The following ALOX5 variants were observed in gnomAD, a reference collection of about 807,000 sequenced individuals.
The protein encoded by ALOX5 is polyunsaturated fatty acid 5-lipoxygenase.
Under a neutral mutation model 87.9 loss-of-function variants are expected in ALOX5, and 64 were observed. That is an observed-to-expected ratio of 0.73 (90% CI 0.60 to 0.90). The LOEUF is 0.90. Ranked by LOEUF, ALOX5 falls within the 40% of genes least tolerant of loss-of-function variation. The pLI is 0.00. For synonymous variants in ALOX5, 388 were observed against 355.1 expected, an observed-to-expected ratio of 1.09 and a Z score of -1.04; for missense variants, 822 against 907.5, an observed-to-expected ratio of 0.91 and a Z score of 1.21.
Position 45,382,550 on chromosome 10 carries a change from G to A in ALOX5, c.218G>A (p.Arg73His), listed in dbSNP as rs770621268. The A allele has an allele frequency of 1.5e-5, 25 of 1,614,040 alleles. No individual in the cohort carries two copies. Among genetic ancestry groups the A allele is most frequent in the Middle Eastern group, 1.6e-4 (1 of 6,084 alleles). The change falls in exon 2 of 14, where the codon CGC (arginine) becomes CAC (histidine). Residue 73 changes from arginine to histidine, a missense_variant. Coordinates refer to ENST00000374391, the MANE Select transcript of ALOX5 (RefSeq NM_000698.5). ...GEIQLVRIEK[R>H]KYWLNDDWYL... ...ATCCAGCTGGTCAGAATCGAGAAGC[G>A]CAAGTACTGGCTGAATGACGACTGG...
chr10:45,416,504 C>G (rs1841293701), intron 4 of ALOX5, among the ~76,000 whole-genome samples: 1 of 152,182 alleles, frequency 6.6e-6, no homozygotes, highest in Non-Finnish European at 1.5e-5. Flanking sequence ...AGCCATGTAG[C>G]TTTAGTGGGA....
At chr10:45,390,254 A>G (rs1840169792) in intron 2 of ALOX5, among the ~76,000 whole-genome samples, 1 of 152,126 alleles carries the variant, frequency 6.6e-6, no homozygotes, top group African/African-American at 2.4e-5. Context: ...AGACTTTAAC[A>G]CCCCACTGTC....
At chr10:45,418,849 C>T (rs1201080600) in intron 4 of ALOX5, among the ~76,000 whole-genome samples, 1 of 152,172 alleles carries the variant, frequency 6.6e-6, no homozygotes, top group Non-Finnish European at 1.5e-5. Flanking sequence ...GGTGGCAGGG[C>T]TGAAAAGACA....
intron 2 of ALOX5, among the ~76,000 whole-genome samples, chr10:45,387,209 C>T (rs1398862391): frequency 6.6e-6 from 1 of 152,190 alleles, no homozygotes; most frequent in East Asian, 1.9e-4. Context: ...AGTCCAAGCA[C>T]ATGTGTCTCT....
At chr10:45,416,815 G>GTGGA (rs1190334199) in intron 4 of ALOX5, among the ~76,000 whole-genome samples, 3 of 151,520 alleles carry the variant, frequency 2.0e-5, no homozygotes, top group Non-Finnish European at 4.4e-5. Context: ...TTCATGGATG[G>GTGGA]TGGATGGATG....
At chr10:45,409,181 G>T (rs1352484057) in intron 3 of ALOX5, among the ~76,000 whole-genome samples, 1 of 152,162 alleles carries the variant, frequency 6.6e-6, no homozygotes, top group East Asian at 1.9e-4. Flanking sequence ...GGCTGTTTCT[G>T]TACCTCACTT....
chr10:45,422,220 C>T (rs1341207612), intron 4 of ALOX5, among the ~76,000 whole-genome samples: 3 of 152,170 alleles, frequency 2.0e-5, no homozygotes, highest in African/African-American at 7.2e-5. Context: ...GGTGATTCCC[C>T]TGAGACAACA....
intron 13 of ALOX5, 130 bp downstream of exon 13, chr10:45,444,416 G>A (rs1024561581): frequency 2.3e-6 from 3 of 1,294,694 alleles, no homozygotes; most frequent in African/African-American, 1.5e-5. Context: ...AAGGCTGGAA[G>A]GGCCCAGAAG....
At position 45,424,191 on chromosome 10, in the gene ALOX5, A is replaced by G. The variant is rs945139859; in HGVS notation, c.661+44A>G. On this transcript the variant is annotated intron_variant, in intron 5 of 13. Coordinates refer to ENST00000374391, the MANE Select transcript of ALOX5 (RefSeq NM_000698.5). ...GCCCAAGTGGTGCTGGGGACAGGGGATGCTGCTCTCCTGTCTGATACTTGC... is the reference window on the plus strand; with the variant it reads ...GCCCAAGTGGTGCTGGGGACAGGGGGTGCTGCTCTCCTGTCTGATACTTGC... 4 of 1,495,706 alleles carry G rather than the reference A, an allele frequency of 2.7e-6. No individual in the cohort carries two copies. In the African/African-American group the frequency reaches 5.5e-5, roughly 21 times the overall value. The allele number at this position is 1,495,706 out of a possible 1,614,324, so 92.7% of individuals were successfully genotyped here. A position where few individuals can be genotyped will look rare whatever the true frequency, so the allele number is the denominator to read the frequency against.
At chr10:45,444,000 A>T (rs972175160) in intron 12 of ALOX5, 116 bp from the exon 13 acceptor site, 1 of 1,440,218 alleles carries the variant, frequency 6.9e-7, no homozygotes. Flanking sequence ...GGGAAAGAGG[A>T]TGGACGGACT....
chr10:45,397,388 C>CA (rs1209818983), intron 3 of ALOX5, among the ~76,000 whole-genome samples: 2 of 151,734 alleles, frequency 1.3e-5, no homozygotes, highest in South Asian at 2.1e-4. Context: ...CCCACATACA[C>CA]AAAAAAAGAA....
chr10:45,396,154 C>G (rs568782072), intron 3 of ALOX5, among the ~76,000 whole-genome samples: 1 of 152,298 alleles, frequency 6.6e-6, no homozygotes, highest in African/African-American at 2.4e-5. Context: ...AACTTTGGAT[C>G]AACCATATTG....
intron 2 of ALOX5, among the ~76,000 whole-genome samples, chr10:45,389,828 A>C (rs1445256803): frequency 6.6e-6 from 1 of 152,246 alleles, no homozygotes; most frequent in Non-Finnish European, 1.5e-5. Context: ...GACAAGATCA[A>C]ATTCACACAT....
intron 7 of ALOX5, among the ~76,000 whole-genome samples, chr10:45,436,173 T>C (rs1564446355): frequency 6.6e-6 from 1 of 152,210 alleles, no homozygotes; most frequent in Non-Finnish European, 1.5e-5. Context: ...GGATGCATAG[T>C]TGCAAATATT....
intron 2 of ALOX5, among the ~76,000 whole-genome samples, chr10:45,385,486 G>A (rs751734002): frequency 5.9e-5 from 9 of 152,306 alleles, no homozygotes; most frequent in South Asian, 4.1e-4. Context: ...AAACACCTTC[G>A]GGACCAGGGG....
chr10:45,406,725 T>C (rs1025160775), intron 3 of ALOX5, among the ~76,000 whole-genome samples: 1 of 152,264 alleles, frequency 6.6e-6, no homozygotes, highest in Non-Finnish European at 1.5e-5. Flanking sequence ...CTGAATTCTT[T>C]CATTGGTTCT....
At chr10:45,376,311 A>C (rs1454714881) in intron 1 of ALOX5, among the ~76,000 whole-genome samples, 1 of 63,654 alleles carries the variant, frequency 1.6e-5, no homozygotes, top group African/African-American at 6.3e-5. Flanking sequence ...TTGGGTTGAG[A>C]GGGCTATAAG....
intron 1 of ALOX5, among the ~76,000 whole-genome samples, chr10:45,374,928 C>T (rs1359850548): frequency 6.6e-6 from 1 of 152,168 alleles, no homozygotes; most frequent in African/African-American, 2.4e-5. Flanking sequence ...GGGTGCACGT[C>T]AGCGGGTCCA....
chr10:45,438,475 C>T (rs551098178), intron 7 of ALOX5, among the ~76,000 whole-genome samples: 2 of 152,136 alleles, frequency 1.3e-5, no homozygotes, highest in South Asian at 2.1e-4. Flanking sequence ...GCTCCTCGGC[C>T]CCAGAGGATG....
Sources: gnomAD v4.1 joint callset for allele counts (sites outside exome capture counted in the v4.1 genomes callset) on GRCh38, gnomAD v4.1.1 for gene constraint, MANE v1.5 for transcripts, NCBI Gene and HGNC (gene_info 2026-07-23, HGNC 2026-07-21) for gene names.